The following JHY variants were observed in gnomAD, a reference collection of about 807,000 sequenced individuals.
JHY encodes jhy protein homolog.
Under a neutral mutation model 78.0 loss-of-function variants are expected in JHY, and 69 were observed. The observed-to-expected ratio is 0.88, with a 90% CI of 0.73 to 1.08. The LOEUF is 1.08. Among genes scored for constraint, JHY ranks in the 50% least tolerant of loss-of-function variants. The pLI is 0.00. For missense variants in JHY, 944 were observed against 927.8 expected (o/e 1.02, Z -0.23); for synonymous variants, 368 against 342.6 (o/e 1.07, Z -0.82).
At chr11:122,903,810 A>C in intron 2 of JHY, 115 bp from the exon 3 acceptor site, 1 of 1,386,588 alleles carries the variant, frequency 7.2e-7, no homozygotes, top group Non-Finnish European at 9.7e-7. Context: ...ACAGATAATA[A>C]AAGGAAAACT....
chr11:122,918,312 G>A (rs1049017143), intron 3 of JHY, among the ~76,000 whole-genome samples: 2 of 151,410 alleles, frequency 1.3e-5, no homozygotes, highest in Non-Finnish European at 2.9e-5. Context: ...GAAGGAGATG[G>A]GCAACAGACA....
intron 6 of JHY, among the ~76,000 whole-genome samples, chr11:122,956,023 G>A (rs1216551916): frequency 6.6e-6 from 1 of 152,050 alleles, no homozygotes; most frequent in Non-Finnish European, 1.5e-5. Context: ...TTAATAGCAA[G>A]GGCCAGGTGA....
rs2135329815 is a variant in JHY, at chr11:122,917,860, T to C, written c.865-7037T>C. On this transcript the variant is annotated intron_variant, in intron 3 of 8. Coordinates refer to ENST00000227349, the MANE Select transcript of JHY (RefSeq NM_024806.4). This position sits in a 1 kb window ranked among gnomAD's most constrained non-coding sequence, Gnocchi z 4.1. Reference sequence around the variant, plus strand: ...AAAATCTCTTTCACATTCTTAAAAATGGCCATTATTCATTTAGCATATATT... The same window carrying C: ...AAAATCTCTTTCACATTCTTAAAAACGGCCATTATTCATTTAGCATATATT... 6.6e-6 allele frequency among the ~76,000 whole-genome samples: 1 copy of C among 152,312 alleles called. No homozygotes were observed. The highest frequency in any genetic ancestry group is 1.9e-4 in the East Asian group (1 of 5,184).
intron 6 of JHY, among the ~76,000 whole-genome samples, chr11:122,948,810 G>T (rs892192560): frequency 6.6e-6 from 1 of 152,174 alleles, no homozygotes; most frequent in African/African-American, 2.4e-5. Context: ...AGCAGGCTGG[G>T]CGCGGTGGCT....
At chr11:122,922,679 A>G (rs1009165449) in intron 3 of JHY, among the ~76,000 whole-genome samples, 6 of 152,094 alleles carry the variant, frequency 3.9e-5, no homozygotes, top group Middle Eastern at 6.8e-3. Flanking sequence ...GGGTGGTGGC[A>G]GGTGCCTGTA....
chr11:122,928,577 AAAC>A (rs1359554835), intron 4 of JHY, among the ~76,000 whole-genome samples: 3 of 151,592 alleles, frequency 2.0e-5, no homozygotes, highest in Admixed American at 6.6e-5. Context: ...ACAAGCAAAC[AAAC>A]AACAACAAAA....
In JHY at chr11:122,946,543, A is replaced by G. The variant is rs1863964452; in HGVS notation, c.1680A>G (p.Pro560=). 2 of 1,612,264 alleles carry G rather than the reference A, an allele frequency of 1.2e-6. No homozygotes were observed. The highest frequency in any genetic ancestry group is 1.7e-6 in the Non-Finnish European group (2 of 1,179,438). The change falls in exon 6 of 9, where the codon CCA becomes CCG. Residue 560 remains proline (P), a synonymous_variant. Transcript: ENST00000227349. ...ACAGCCAGACGGTTAGAGCTTCTCC[A>G]GATTCATGGCTCACCCAGATAATGG... ...SSDSQTVRAS[P]DSWLTQIMEQ... is the part of the protein sequence containing the mutation.
Position 122,958,025 on chromosome 11 carries a change from T to C in JHY, c.2139+534T>C, listed in dbSNP as rs117201653. On this transcript the variant is annotated intron_variant, in intron 8 of 8. Transcript: ENST00000227349. ...GCAGTTGTTGTCTTCTTGCTGCTTA[T>C]ATGTCAAAGAAAAGACATATAAACA... 3.9e-4 allele frequency among the ~76,000 whole-genome samples: 59 copies of C among 152,360 alleles called. 2 individuals carry two copies. In the East Asian group the frequency reaches 9.1e-3, roughly 23 times the overall value.
intron 3 of JHY, among the ~76,000 whole-genome samples, chr11:122,924,603 G>A (rs1425985693): frequency 6.6e-6 from 1 of 152,126 alleles, no homozygotes; most frequent in African/African-American, 2.4e-5. Context: ...ATCCAGTTCA[G>A]ATAACTGTTC....
Position 122,934,702 on chromosome 11 carries a change from A to G in JHY, c.1261A>G (p.Asn421Asp). 6.2e-7 allele frequency: 1 copy of G among 1,614,180 alleles called. No individual in the cohort carries two copies. ...ATCGATTGTGATTATGCATGCCTCT[A>G]ACAATGATGTACAAGCCTCAAGGGC... Reference protein sequence around the residue: ...PESIVIMHASNNDVQASRALR... With the variant: ...PESIVIMHASDNDVQASRALR... The change falls in exon 5 of 9, where the codon AAC becomes GAC. Residue 421 changes from asparagine (N) to aspartate (D), a missense_variant. Physicochemically the swap from Asn to Asp is conservative, Grantham distance 23. Transcript: ENST00000227349.
At chr11:122,928,734 C>G (rs563107944) in intron 4 of JHY, among the ~76,000 whole-genome samples, 1 of 146,424 alleles carries the variant, frequency 6.8e-6, no homozygotes, top group Non-Finnish European at 1.5e-5. Flanking sequence ...CTGCAAGCTC[C>G]GTCTCCCGGG....
At chr11:122,946,389 T>A in intron 5 of JHY, 109 bp from the exon 6 acceptor site, 1 of 1,181,226 alleles carries the variant, frequency 8.5e-7, no homozygotes, top group Non-Finnish European at 1.2e-6. Context: ...TTAATTTGAT[T>A]TGAGAGTGAT....
chr11:122,900,339 C>T (rs1441065798), intron 2 of JHY, among the ~76,000 whole-genome samples: 1 of 151,992 alleles, frequency 6.6e-6, no homozygotes, highest in Non-Finnish European at 1.5e-5. Flanking sequence ...TTTGTTTACC[C>T]AGCATACAAT....
At chr11:122,943,243 T>C (rs1198231666) in intron 5 of JHY, among the ~76,000 whole-genome samples, 1 of 152,262 alleles carries the variant, frequency 6.6e-6, no homozygotes, top group African/African-American at 2.4e-5. Flanking sequence ...AGTATGTTTA[T>C]AAATTTCAAA....
chr11:122,953,835 C>G (rs1239579437), intron 6 of JHY, among the ~76,000 whole-genome samples: 1 of 152,076 alleles, frequency 6.6e-6, no homozygotes, highest in East Asian at 1.9e-4. Context: ...TAGTTCAAAG[C>G]CTTCCTTAAG....
At chr11:122,885,613 A>G in intron 1 of JHY, 148 bp from the exon 2 acceptor site, 2 of 432,276 alleles carry the variant, frequency 4.6e-6, no homozygotes, top group Non-Finnish European at 8.1e-6. Flanking sequence ...TGTTTTTCTA[A>G]TAGACCTTTC....
chr11:122,940,065 A>C (rs980005954), intron 5 of JHY, among the ~76,000 whole-genome samples: 7 of 151,462 alleles, frequency 4.6e-5, no homozygotes, highest in Non-Finnish European at 1.0e-4. Flanking sequence ...CAGACTGGGC[A>C]TGGTGGCTCA....
chr11:122,913,856 A>G (rs147130482), intron 3 of JHY, among the ~76,000 whole-genome samples: 2 of 152,218 alleles, frequency 1.3e-5, no homozygotes, highest in African/African-American at 4.8e-5. Context: ...AGCAAGCACT[A>G]GCTAAATATT....
chr11:122,901,823 A>C (rs997177633), intron 2 of JHY, among the ~76,000 whole-genome samples: 1 of 151,978 alleles, frequency 6.6e-6, no homozygotes, highest in Non-Finnish European at 1.5e-5. Context: ...CAGTTAACCA[A>C]GATAGCGCCA....
Sources: allele counts gnomAD v4.1 joint callset (sites outside exome capture counted in the v4.1 genomes callset), GRCh38; gene constraint gnomAD v4.1.1; non-coding constraint Gnocchi (gnomAD v3.1); transcripts MANE v1.5; gene names NCBI Gene and HGNC (gene_info 2026-07-23, HGNC 2026-07-21).